The following CNTNAP2 variants were observed in gnomAD, a reference collection of about 807,000 sequenced individuals.
CNTNAP2 encodes contactin associated protein 2, also known as contactin-associated protein-like 2.
In CNTNAP2, 98 loss-of-function variants were observed where a neutral mutation model predicts 155.2. The ratio of observed to expected loss-of-function variants is 0.63; its 90% CI spans 0.54 to 0.75. The LOEUF (loss-of-function observed/expected upper bound fraction) is 0.75. Ranked by LOEUF, CNTNAP2 falls within the 30% of genes least tolerant of loss-of-function variation. The pLI, the probability that CNTNAP2 is intolerant of heterozygous loss-of-function variation, is 0.00. For synonymous variants in CNTNAP2, 651 were observed against 631.2 expected, an observed-to-expected ratio of 1.03 and a Z score of -0.47; for missense variants, 1,727 against 1,688.1, an observed-to-expected ratio of 1.02 and a Z score of -0.40.
rs143262550 is a variant in CNTNAP2 at position 147,498,163 on chromosome 7, A to G, written c.1777+12122A>G. ...TTACAGCACCTGATGGGAAAGCCCAAGCTATGATAAAAAAAAAAAAAAAAA... is the reference window on the plus strand; with the variant it reads ...TTACAGCACCTGATGGGAAAGCCCAGGCTATGATAAAAAAAAAAAAAAAAA... On this transcript the variant is annotated intron_variant, in intron 11 of 23. Transcript: ENST00000361727. Among the ~76,000 whole-genome samples the G allele has an allele frequency of 9.4e-3, 1,166 of 124,172 alleles. 16 individuals carry two copies. Among genetic ancestry groups the G allele is most frequent in the African/African-American group, 0.035 (1,087 of 31,200 alleles). 81.5% of individuals were successfully genotyped at this position (124,172 alleles called of 152,430 possible).
At chr7:148,213,442 C>T (rs979772004) in intron 18 of CNTNAP2, among the ~76,000 whole-genome samples, 1 of 152,098 alleles carries the variant, frequency 6.6e-6, no homozygotes, top group African/African-American at 2.4e-5. Flanking sequence ...GCTGCCCAGA[C>T]CCTTCCCTCC....
intron 8 of CNTNAP2, among the ~76,000 whole-genome samples, chr7:147,245,797 A>G (rs1012347359): frequency 1.3e-5 from 2 of 148,456 alleles, no homozygotes; most frequent in African/African-American, 4.9e-5. Context: ...TTCATTGTAG[A>G]ATAAAATCCA....
intron 13 of CNTNAP2, among the ~76,000 whole-genome samples, chr7:147,719,646 G>A (rs1201669756): frequency 6.6e-6 from 1 of 151,984 alleles, no homozygotes; most frequent in Non-Finnish European, 1.5e-5. Context: ...TCACTAGGTA[G>A]GGGTATGAAA....
intron 8 of CNTNAP2, among the ~76,000 whole-genome samples, chr7:147,289,505 A>G (rs1805255829): frequency 1.3e-5 from 2 of 152,312 alleles, no homozygotes; most frequent in African/African-American, 4.8e-5. Context: ...GAAAGAAGGA[A>G]GGAAGGCAGG....
intron 1 of CNTNAP2, among the ~76,000 whole-genome samples, chr7:146,278,160 A>G (rs1800193921): frequency 6.6e-6 from 1 of 152,172 alleles, no homozygotes; most frequent in South Asian, 2.1e-4. Context: ...ATGGGCTAAT[A>G]CAATTCCATT....
At position 146,977,654 on chromosome 7, in the gene CNTNAP2, A is replaced by G. The variant is rs533639967; in HGVS notation, c.403-66253A>G. Among the ~76,000 whole-genome samples the G allele has an allele frequency of 4.6e-5, 7 of 152,330 alleles. No individual in the cohort carries two copies. The East Asian group carries it at 7.7e-4, about 17-fold the overall frequency. Reference sequence around the variant, plus strand: ...AAATGTTTTAATAAACTCTTAAATAATATGCATTGAAAAACTGGCATTTGA... The same window carrying G: ...AAATGTTTTAATAAACTCTTAAATAGTATGCATTGAAAAACTGGCATTTGA... On this transcript the variant is annotated intron_variant, in intron 3 of 23. Transcript: ENST00000361727.
intron 13 of CNTNAP2, among the ~76,000 whole-genome samples, chr7:147,903,034 C>A (rs1799899601): frequency 6.6e-6 from 1 of 151,968 alleles, no homozygotes; most frequent in Non-Finnish European, 1.5e-5. Context: ...ACTTTTAGTT[C>A]TTTAAGGAAT....
In CNTNAP2 at chr7:147,752,482, A is replaced by G. The variant is rs543844118; in HGVS notation, c.2098+113176A>G. ...TGAAAATGGAACCGTCGTTCATTCAACCAGGAGCCTGGTCAATACGGTGAG... is the reference window on the plus strand; with the variant it reads ...TGAAAATGGAACCGTCGTTCATTCAGCCAGGAGCCTGGTCAATACGGTGAG... On this transcript the variant is annotated intron_variant, in intron 13 of 23. Coordinates refer to ENST00000361727, the MANE Select transcript of CNTNAP2 (RefSeq NM_014141.6). Among the ~76,000 whole-genome samples the G allele has an allele frequency of 6.6e-5, 10 of 152,330 alleles. No homozygotes were observed. The South Asian group carries it at 1.4e-3, about 22-fold the overall frequency.
chr7:147,538,276 G>A (rs1027269456), intron 11 of CNTNAP2, among the ~76,000 whole-genome samples: 15 of 152,166 alleles, frequency 9.9e-5, no homozygotes, highest in African/African-American at 3.6e-4. Flanking sequence ...TATTTGAAGG[G>A]TACATCTTTT....
At chr7:146,334,620 A>T (rs1043686557) in intron 1 of CNTNAP2, among the ~76,000 whole-genome samples, 32 of 151,986 alleles carry the variant, frequency 2.1e-4, no homozygotes, top group African/African-American at 7.7e-4. Flanking sequence ...GCATGAAACC[A>T]TCAAAGATGG....
chr7:147,300,458 T>G (rs190931220), intron 9 of CNTNAP2, among the ~76,000 whole-genome samples, 168 bp downstream of exon 9: 1 of 152,296 alleles, frequency 6.6e-6, no homozygotes, highest in East Asian at 1.9e-4. Context: ...GGAAAAATTT[T>G]ATTTCTTTCT....
intron 21 of CNTNAP2, among the ~76,000 whole-genome samples, chr7:148,314,462 G>A (rs1054105574): frequency 1.2e-4 from 18 of 152,194 alleles, no homozygotes; most frequent in Non-Finnish European, 2.4e-4. Flanking sequence ...TAGGTCAGGT[G>A]TGAGTTGAAG....
chr7:146,747,288 A>G (rs1801824977), intron 1 of CNTNAP2, among the ~76,000 whole-genome samples: 1 of 152,194 alleles, frequency 6.6e-6, no homozygotes, highest in Non-Finnish European at 1.5e-5. Flanking sequence ...ATCACTTTTC[A>G]GAGAAAAAAT....
chr7:146,767,643 A>G (rs866247059), intron 1 of CNTNAP2, among the ~76,000 whole-genome samples: 13 of 152,208 alleles, frequency 8.5e-5, no homozygotes, highest in Non-Finnish European at 1.6e-4. Flanking sequence ...TGGGAGGAAA[A>G]TATGGTATAA....
intron 1 of CNTNAP2, among the ~76,000 whole-genome samples, chr7:146,416,291 T>C (rs1795937883): frequency 6.6e-6 from 1 of 150,480 alleles, no homozygotes; most frequent in Non-Finnish European, 1.5e-5. Context: ...TATATACCTA[T>C]ATATATAATA....
At chr7:146,856,810 A>G (rs1344620420) in intron 3 of CNTNAP2, among the ~76,000 whole-genome samples, 1 of 152,282 alleles carries the variant, frequency 6.6e-6, no homozygotes, top group South Asian at 2.1e-4. Flanking sequence ...AGAATATTCT[A>G]TGAGGAATGT....
At position 148,126,818 on chromosome 7, in the gene CNTNAP2, C is replaced by T. The variant is rs144646399; in HGVS notation, c.2554+8530C>T. 5.3e-3 allele frequency among the ~76,000 whole-genome samples: 809 copies of T among 152,094 alleles called. 6 individuals carry two copies. The highest frequency in any genetic ancestry group is 0.013 in the South Asian group (62 of 4,810). On this transcript the variant is annotated intron_variant, in intron 16 of 23. Coordinates refer to ENST00000361727, the MANE Select transcript of CNTNAP2 (RefSeq NM_014141.6). The stretch of plus-strand genomic sequence containing the variant: ...CTGGAGCCATAGAGTGGAAGAAGTA[C>T]GGAGAAGGGAAGAATAGGCCAACTG...
intron 3 of CNTNAP2, among the ~76,000 whole-genome samples, chr7:146,881,716 T>C (rs1275649515): frequency 1.3e-5 from 2 of 150,988 alleles, no homozygotes; most frequent in African/African-American, 4.9e-5. Context: ...CCAAGAGTTA[T>C]GATCTCTGTC....
At chr7:148,096,770 C>G (rs1803980600) in intron 15 of CNTNAP2, among the ~76,000 whole-genome samples, 1 of 152,128 alleles carries the variant, frequency 6.6e-6, no homozygotes, top group Non-Finnish European at 1.5e-5. Context: ...AGGATTTACC[C>G]TCACTGGGCA....
Sources: allele counts gnomAD v4.1 joint callset (sites outside exome capture counted in the v4.1 genomes callset), GRCh38; gene constraint gnomAD v4.1.1; transcripts MANE v1.5; gene names NCBI Gene and HGNC (gene_info 2026-07-23, HGNC 2026-07-21).